LRRC4C: variants seen among roughly 807,000 people sequenced by gnomAD.
LRRC4C encodes the protein leucine rich repeat containing 4C.
A neutral mutation model predicts 33.6 loss-of-function variants in LRRC4C; 5 were observed. The ratio of observed to expected loss-of-function variants is 0.15; its 90% CI spans 0.08 to 0.31. The LOEUF is 0.31. Ranked by LOEUF, LRRC4C falls within the 10% of genes least tolerant of loss-of-function variation. The pLI is 1.00. For synonymous variants in LRRC4C, 329 were observed against 302.0 expected, an observed-to-expected ratio of 1.09 and a Z score of -0.93; for missense variants, 560 against 796.7, an observed-to-expected ratio of 0.70 and a Z score of 3.58.
intron 1 of LRRC4C, among the ~76,000 whole-genome samples, chr11:41,435,585 C>T (rs193274572): frequency 1.3e-5 from 2 of 152,080 alleles, no homozygotes; most frequent in African/African-American, 4.8e-5. Context: ...GACTTGTTAC[C>T]AAAAGCTTAT....
chr11:40,487,143 C>T (rs567961006), intron 3 of LRRC4C, among the ~76,000 whole-genome samples: 32 of 152,040 alleles, frequency 2.1e-4, no homozygotes, highest in African/African-American at 7.2e-4. Flanking sequence ...AACTGACATG[C>T]GAAGTTGGAA....
intron 3 of LRRC4C, among the ~76,000 whole-genome samples, chr11:40,338,278 T>C (rs1161037495): frequency 3.9e-5 from 6 of 152,218 alleles, no homozygotes; most frequent in Non-Finnish European, 8.8e-5. Flanking sequence ...GGTTTTGTAG[T>C]TAAGATATGT....
intron 3 of LRRC4C, among the ~76,000 whole-genome samples, chr11:40,431,338 T>C (rs1358801257): frequency 7.1e-6 from 1 of 140,022 alleles, no homozygotes; most frequent in Non-Finnish European, 1.5e-5. Context: ...GAGGTTGCAG[T>C]GAGCCAACAT....
chr11:40,186,672 C>T (rs1861424011), intron 5 of LRRC4C, among the ~76,000 whole-genome samples: 1 of 152,152 alleles, frequency 6.6e-6, no homozygotes, highest in Non-Finnish European at 1.5e-5. Context: ...AGCACAATGA[C>T]ACTAGGCTGT....
intron 1 of LRRC4C, among the ~76,000 whole-genome samples, chr11:41,034,458 CAT>C (rs1246536757): frequency 7.8e-5 from 10 of 129,010 alleles, no homozygotes; most frequent in African/African-American, 2.4e-4. Context: ...ACACACACAC[CAT>C]ATATATATAT....
intron 2 of LRRC4C, among the ~76,000 whole-genome samples, chr11:40,734,286 G>A: frequency 6.6e-6 from 1 of 152,162 alleles, no homozygotes; most frequent in East Asian, 1.9e-4. Context: ...GAATTTGACA[G>A]TGACAATATT....
chr11:40,843,072 A>T (rs984758804), intron 2 of LRRC4C, among the ~76,000 whole-genome samples: 4 of 152,192 alleles, frequency 2.6e-5, no homozygotes, highest in African/African-American at 9.6e-5. Flanking sequence ...TGAAATTCTA[A>T]TCTATACTGA....
chr11:41,355,211 T>G (rs1442749963), intron 1 of LRRC4C, among the ~76,000 whole-genome samples: 7 of 151,676 alleles, frequency 4.6e-5, no homozygotes, highest in Non-Finnish European at 1.0e-4. Context: ...ACCAAGAACA[T>G]GAAAAAATGC....
At chr11:41,254,684 T>G (rs543327784) in intron 1 of LRRC4C, among the ~76,000 whole-genome samples, 92 of 152,086 alleles carry the variant, frequency 6.0e-4, no homozygotes, top group Admixed American at 1.5e-3. Flanking sequence ...AATTTGGATG[T>G]GAGGTGGTTT....
chr11:40,482,748 G>A (rs1380529322), intron 3 of LRRC4C, among the ~76,000 whole-genome samples: 1 of 152,126 alleles, frequency 6.6e-6, no homozygotes, highest in Non-Finnish European at 1.5e-5. Context: ...TGGGATTACA[G>A]GTATGAGCCA....
At chr11:40,496,213 C>T (rs1179169116) in intron 3 of LRRC4C, among the ~76,000 whole-genome samples, 1 of 152,160 alleles carries the variant, frequency 6.6e-6, no homozygotes, top group Non-Finnish European at 1.5e-5. Context: ...CCCTGATCTA[C>T]ATGAATTATT....
intron 6 of LRRC4C, among the ~76,000 whole-genome samples, chr11:40,131,203 C>T (rs1462918372): frequency 6.6e-6 from 1 of 152,090 alleles, no homozygotes; most frequent in Non-Finnish European, 1.5e-5. Context: ...TTTATAAAAA[C>T]ATAATGTATT....
At chr11:41,346,290 C>A (rs573004741) in intron 1 of LRRC4C, among the ~76,000 whole-genome samples, 1 of 152,306 alleles carries the variant, frequency 6.6e-6, no homozygotes, top group Non-Finnish European at 1.5e-5. Context: ...TAAATCCATT[C>A]TACTCATTCT....
In LRRC4C at chr11:41,303,222, C is replaced by T. The variant is rs570375365; in HGVS notation, c.-496+156209G>A. Among the ~76,000 whole-genome samples the T allele has an allele frequency of 5.7e-3, 852 of 150,238 alleles. 5 individuals carry two copies. Among genetic ancestry groups the T allele is most frequent in the Non-Finnish European group, 0.01 (688 of 67,488 alleles). On this transcript the variant is annotated intron_variant, in intron 1 of 6. Coordinates refer to ENST00000528697, the MANE Select transcript of LRRC4C (RefSeq NM_001258419.2). ...GCCTGATTCTCCTGCCTCAGTCTAC[C>T]GAATGCCTGCGATTGCAGGCACGCG...
chr11:41,187,149 G>A (rs1030480747), intron 1 of LRRC4C, among the ~76,000 whole-genome samples: 7 of 152,186 alleles, frequency 4.6e-5, no homozygotes, highest in African/African-American at 1.7e-4. Flanking sequence ...CATGGTCCCT[G>A]GATAGGGCTC....
chr11:41,353,152 G>A (rs1442080173), intron 1 of LRRC4C, among the ~76,000 whole-genome samples: 2 of 151,894 alleles, frequency 1.3e-5, no homozygotes, highest in Middle Eastern at 3.2e-3. Flanking sequence ...AGAAAAGAGA[G>A]AAGAGCCAAA....
chr11:41,217,172 C>T (rs187350671), intron 1 of LRRC4C, among the ~76,000 whole-genome samples: 1 of 152,262 alleles, frequency 6.6e-6, no homozygotes, highest in Admixed American at 6.5e-5. Context: ...ACTATAACAA[C>T]ACCGCGTAGT....
At chr11:40,765,228 C>T (rs1161004969) in intron 2 of LRRC4C, among the ~76,000 whole-genome samples, 1 of 152,120 alleles carries the variant, frequency 6.6e-6, no homozygotes, top group Non-Finnish European at 1.5e-5. Flanking sequence ...GAAGATTTCA[C>T]CATTGGTGCC....
intron 1 of LRRC4C, among the ~76,000 whole-genome samples, chr11:41,018,674 AC>A (rs1408427860): frequency 6.6e-6 from 1 of 152,080 alleles, no homozygotes; most frequent in Non-Finnish European, 1.5e-5. Flanking sequence ...CAGGTTTGGA[AC>A]CCCTTTCTTC....
Sources: allele counts gnomAD v4.1 joint callset (sites outside exome capture counted in the v4.1 genomes callset), GRCh38; gene constraint gnomAD v4.1.1; transcripts MANE v1.5; gene names NCBI Gene and HGNC (gene_info 2026-07-23, HGNC 2026-07-21).